GOLM2: variants seen among roughly 807,000 people sequenced by gnomAD.
The protein encoded by GOLM2 is golgi membrane protein 2, also known as protein GOLM2.
GOLM2 carries 26 observed loss-of-function variants against 55.9 expected under a neutral mutation model. That is an observed-to-expected ratio of 0.47 (90% CI 0.34 to 0.65). The LOEUF (loss-of-function observed/expected upper bound fraction) is 0.65, where lower values mean the gene tolerates loss of function less well. Ranked by LOEUF, GOLM2 falls within the 30% of genes least tolerant of loss-of-function variation. The pLI is 0.01. For missense variants in GOLM2, 486 were observed against 531.8 expected (o/e 0.91, Z 0.85); for synonymous variants, 165 against 194.6 (o/e 0.85, Z 1.27).
chr15:44,301,507 A>G (rs186850052), intron 1 of GOLM2, among the ~76,000 whole-genome samples: 1 of 152,176 alleles, frequency 6.6e-6, no homozygotes, highest in Non-Finnish European at 1.5e-5. Flanking sequence ...ATGAGTGAAC[A>G]AGACAGATAT....
chr15:44,340,158 C>T (rs1444487439), intron 6 of GOLM2, among the ~76,000 whole-genome samples: 2 of 152,074 alleles, frequency 1.3e-5, no homozygotes, highest in East Asian at 1.9e-4. Context: ...AAGGTCTCAC[C>T]ATGTTGCCCA....
At chr15:44,354,225 G>T (rs2079182695) in intron 6 of GOLM2, among the ~76,000 whole-genome samples, 1 of 146,768 alleles carries the variant, frequency 6.8e-6, no homozygotes. Context: ...CACCAAGATA[G>T]ACCATAAAAC....
chr15:44,386,569 G>A (rs986556400), intron 8 of GOLM2, among the ~76,000 whole-genome samples: 4 of 152,032 alleles, frequency 2.6e-5, no homozygotes, highest in Non-Finnish European at 4.4e-5. Context: ...AAAAGGCAGC[G>A]ATATTTTAAA....
rs2079084403 is a variant in GOLM2, at chr15:44,340,512, C to T, written c.802+2195C>T. Among the ~76,000 whole-genome samples, 2 of 152,214 alleles carry T rather than the reference C, an allele frequency of 1.3e-5. 1 individual carries two copies. The highest frequency in any genetic ancestry group is 4.1e-4 in the South Asian group (2 of 4,828). ...TCTTCAAGCGATAGTCCCGCCTCAGCCTCTCAAAGCACTGGGATTATAGGC... is the reference window on the plus strand; with the variant it reads ...TCTTCAAGCGATAGTCCCGCCTCAGTCTCTCAAAGCACTGGGATTATAGGC... On this transcript the variant is annotated intron_variant, in intron 6 of 9. Coordinates refer to ENST00000299957, the MANE Select transcript of GOLM2 (RefSeq NM_138423.4).
intron 1 of GOLM2, among the ~76,000 whole-genome samples, chr15:44,291,046 G>A (rs971302627): frequency 1.3e-5 from 2 of 149,958 alleles, no homozygotes; most frequent in African/African-American, 4.9e-5. Context: ...CAGGTGATCC[G>A]CCCGCCTCAG....
chr15:44,325,437 G>GT (rs1444152919), intron 2 of GOLM2, among the ~76,000 whole-genome samples: 1 of 152,068 alleles, frequency 6.6e-6, no homozygotes, highest in Non-Finnish European at 1.5e-5. Flanking sequence ...GGGAAGCTTT[G>GT]TGGGGGGACA....
intron 1 of GOLM2, among the ~76,000 whole-genome samples, chr15:44,318,488 C>T (rs978450838): frequency 1.4e-4 from 22 of 152,182 alleles, no homozygotes; most frequent in African/African-American, 5.1e-4. Context: ...GTGGGTGGAT[C>T]GCCTGAAGTC....
chr15:44,394,526 T>G (rs1211424589), intron 8 of GOLM2, among the ~76,000 whole-genome samples: 1 of 152,208 alleles, frequency 6.6e-6, no homozygotes, highest in Non-Finnish European at 1.5e-5. Flanking sequence ...GTGAATAGAT[T>G]GCTTCCTGTG....
At chr15:44,380,708 A>G in intron 7 of GOLM2, 98 bp from the exon 8 acceptor site, 2 of 878,142 alleles carry the variant, frequency 2.3e-6, no homozygotes, top group Non-Finnish European at 1.5e-6. Flanking sequence ...ATGTTAAACA[A>G]TAGTGTGTCT....
chr15:44,338,722 T>G (rs1256524212), intron 6 of GOLM2, among the ~76,000 whole-genome samples: 2 of 152,216 alleles, frequency 1.3e-5, no homozygotes, highest in East Asian at 3.8e-4. Flanking sequence ...AAGAGTTATT[T>G]AATTATTTAG....
intron 4 of GOLM2, 53 bp from the exon 5 acceptor site, chr15:44,337,710 G>A (rs538373827): frequency 7.0e-6 from 9 of 1,286,928 alleles, no homozygotes; most frequent in Admixed American, 5.2e-5. Flanking sequence ...TAGTTGTGTC[G>A]GTGGTTTAAC....
chr15:44,365,227 A>C (rs971485198), intron 6 of GOLM2, among the ~76,000 whole-genome samples: 4 of 152,188 alleles, frequency 2.6e-5, no homozygotes, highest in African/African-American at 9.7e-5. Context: ...ATATTAAGAC[A>C]TGAAAAGACT....
intron 8 of GOLM2, among the ~76,000 whole-genome samples, chr15:44,402,215 T>C (rs1243516943): frequency 6.6e-6 from 1 of 152,108 alleles, no homozygotes. Context: ...ATTGTCTTTT[T>C]AAAAATCTGT....
chr15:44,322,951 TA>T lies in GOLM2; in HGVS notation c.328-12del. The stretch of plus-strand genomic sequence containing the variant: ...CATATTTTTTAGTAAAATGAGAACT[TA>T]ATTTTTTTTCAGGTTAAACTACAGA... On this transcript the variant is annotated splice_polypyrimidine_tract_variant and intron_variant, in intron 1 of 9. Transcript: ENST00000299957. 1.3e-6 allele frequency: 2 copies of T among 1,545,596 alleles called. No individual in the cohort carries two copies. Among genetic ancestry groups the T allele is most frequent in the Non-Finnish European group, 1.7e-6 (2 of 1,145,862 alleles).
intron 1 of GOLM2, among the ~76,000 whole-genome samples, chr15:44,305,856 T>C (rs1237495422): frequency 6.6e-6 from 1 of 152,196 alleles, no homozygotes; most frequent in East Asian, 1.9e-4. Flanking sequence ...TGAGCACTAG[T>C]ATTTTGAAAG....
chr15:44,339,474 G>T (rs534880715), intron 6 of GOLM2, among the ~76,000 whole-genome samples: 3 of 152,036 alleles, frequency 2.0e-5, no homozygotes, highest in Middle Eastern at 3.4e-3. Context: ...GAGTAGCTGG[G>T]ATTACAGGTG....
At chr15:44,401,640 T>C (rs1475686189) in intron 8 of GOLM2, among the ~76,000 whole-genome samples, 1 of 152,206 alleles carries the variant, frequency 6.6e-6, no homozygotes, top group East Asian at 1.9e-4. Flanking sequence ...TCTTGCATTA[T>C]TAGGAAGTTA....
At chr15:44,387,311 C>A (rs2079453116) in intron 8 of GOLM2, 1 of 151,778 alleles carries the variant, frequency 6.6e-6, no homozygotes, top group Non-Finnish European at 1.5e-5. Context: ...TTTAGGTCAT[C>A]TTTAATTCCT....
At chr15:44,327,187 G>A (rs905767397) in intron 2 of GOLM2, among the ~76,000 whole-genome samples, 14 of 151,192 alleles carry the variant, frequency 9.3e-5, no homozygotes, top group African/African-American at 3.4e-4. Context: ...CTGACCTCAG[G>A]CGATCCACCC....
Sources: allele counts gnomAD v4.1 joint callset (sites outside exome capture counted in the v4.1 genomes callset), GRCh38; gene constraint gnomAD v4.1.1; transcripts MANE v1.5; gene names NCBI Gene and HGNC (gene_info 2026-07-23, HGNC 2026-07-21).